Variants in USP32 observed in about 807,000 individuals in gnomAD.
USP32 encodes ubiquitin carboxyl-terminal hydrolase 32.
Under a neutral mutation model 204.8 loss-of-function variants are expected in USP32, and 59 were observed. The ratio of observed to expected loss-of-function variants is 0.29; its 90% CI spans 0.23 to 0.36. The LOEUF is 0.36. USP32 is among the 10% of genes least tolerant of loss of function. USP32 has a pLI of 1.00. For synonymous variants in USP32, 517 were observed against 678.4 expected (o/e 0.76, Z 3.70); for missense variants, 1,160 against 1,946.4 (o/e 0.60, Z 7.60).
chr17:60,258,209 A>C (rs2086364512), intron 9 of USP32: 1 of 160,964 alleles, frequency 6.2e-6, no homozygotes, highest in African/African-American at 2.4e-5. Flanking sequence ...AAAAACATGA[A>C]ATGATGCAAA....
chr17:60,348,645 G>A (rs1009269028), intron 1 of USP32, among the ~76,000 whole-genome samples: 10 of 152,180 alleles, frequency 6.6e-5, no homozygotes, highest in Non-Finnish European at 1.2e-4. Flanking sequence ...TTGGTGGCAC[G>A]TGCCTATAGC....
chr17:60,358,012 A>G (rs920625752), intron 1 of USP32, among the ~76,000 whole-genome samples: 1 of 151,324 alleles, frequency 6.6e-6, no homozygotes, highest in Non-Finnish European at 1.5e-5. Flanking sequence ...CAGGTGATCC[A>G]CCCGCCTCCA....
At chr17:60,357,315 T>G (rs1361962369) in intron 1 of USP32, among the ~76,000 whole-genome samples, 2 of 151,784 alleles carry the variant, frequency 1.3e-5, no homozygotes, top group Non-Finnish European at 2.9e-5. Context: ...TAGGCAGGCA[T>G]GGTGATACAC....
intron 1 of USP32, among the ~76,000 whole-genome samples, chr17:60,371,943 A>G (rs73320784): frequency 9.8e-4 from 149 of 152,350 alleles, no homozygotes; most frequent in African/African-American, 3.2e-3. Flanking sequence ...AAAGTAATCA[A>G]AACTTACTAC....
intron 2 of USP32, among the ~76,000 whole-genome samples, chr17:60,337,848 T>C (rs2088559998): frequency 1.3e-5 from 2 of 152,080 alleles, no homozygotes; most frequent in South Asian, 4.2e-4. Flanking sequence ...GCCACTGCAC[T>C]CCAGCCTGGG....
At chr17:60,275,185 G>A (rs551731179) in intron 5 of USP32, among the ~76,000 whole-genome samples, 68 of 152,236 alleles carry the variant, frequency 4.5e-4, no homozygotes, top group African/African-American at 1.5e-3. Flanking sequence ...GGCCGGGCGC[G>A]GTGGCTCACG....
intron 1 of USP32, among the ~76,000 whole-genome samples, chr17:60,382,808 CAA>C (rs1291698313): frequency 6.6e-6 from 1 of 151,918 alleles, no homozygotes; most frequent in Non-Finnish European, 1.5e-5. Context: ...TATACATAAC[CAA>C]AAGACATTCT....
Position 60,198,803 on chromosome 17 carries a change from T to C in USP32, c.3250-359A>G, listed in dbSNP as rs150784651. 3.5e-4 allele frequency among the ~76,000 whole-genome samples: 53 copies of C among 152,328 alleles called. 2 individuals carry two copies. In the East Asian group the frequency reaches 0.01, roughly 29 times the overall value. ...CTAAGGGCTTTTAAACAATTAAGGC[T>C]CTTTCTTTCTCCAGAAAATATGCCA... On this transcript the variant is annotated intron_variant, in intron 26 of 33. Transcript: ENST00000300896.
At chr17:60,377,171 A>G (rs1285077102) in intron 1 of USP32, among the ~76,000 whole-genome samples, 1 of 152,166 alleles carries the variant, frequency 6.6e-6, no homozygotes, top group Non-Finnish European at 1.5e-5. Context: ...AAGTCTTTAA[A>G]AAGTTTGGGC....
chr17:60,194,894 A>C (rs1216932113), intron 27 of USP32, among the ~76,000 whole-genome samples: 2 of 152,234 alleles, frequency 1.3e-5, no homozygotes, highest in African/African-American at 4.8e-5. Flanking sequence ...ACTGTCCCTG[A>C]AAATAATCAC....
chr17:60,377,198 G>A (rs1231621964), intron 1 of USP32, among the ~76,000 whole-genome samples: 2 of 152,130 alleles, frequency 1.3e-5, no homozygotes, highest in Admixed American at 1.3e-4. Flanking sequence ...CGTGGTTCAC[G>A]TCTGTAATCC....
At chr17:60,257,329 T>C (rs180934653) in intron 9 of USP32, among the ~76,000 whole-genome samples, 1 of 152,322 alleles carries the variant, frequency 6.6e-6, no homozygotes, top group East Asian at 1.9e-4. Context: ...GTGGATCACA[T>C]GTGCCAATTG....
At chr17:60,311,220 G>A (rs2087844338) in intron 2 of USP32, among the ~76,000 whole-genome samples, 2 of 152,064 alleles carry the variant, frequency 1.3e-5, no homozygotes, top group South Asian at 4.1e-4. Flanking sequence ...TCCAAATTAT[G>A]AATGGATTAG....
intron 2 of USP32, among the ~76,000 whole-genome samples, chr17:60,342,921 T>C (rs537737854): frequency 1.3e-5 from 2 of 152,302 alleles, no homozygotes; most frequent in African/African-American, 2.4e-5. Flanking sequence ...TCGCCCTCCG[T>C]GGGCTGCACC....
intron 1 of USP32, 88 bp downstream of exon 1, chr17:60,391,794 A>T: frequency 6.9e-7 from 1 of 1,439,192 alleles, no homozygotes; most frequent in African/African-American, 1.4e-5. Context: ...CCACGCCCTC[A>T]ATCTCCCCTC....
chr17:60,242,133 A>C (rs2145664985), intron 11 of USP32, among the ~76,000 whole-genome samples: 1 of 152,236 alleles, frequency 6.6e-6, no homozygotes, highest in East Asian at 1.9e-4. Flanking sequence ...AAAGAGACAG[A>C]ATCTTGCTAT....
At chr17:60,333,644 A>G (rs1164216936) in intron 2 of USP32, among the ~76,000 whole-genome samples, 4 of 150,362 alleles carry the variant, frequency 2.7e-5, no homozygotes, top group African/African-American at 9.8e-5. Context: ...AAGAAGGAAG[A>G]AAGAAAGGGA....
chr17:60,320,999 G>A (rs910744665), intron 2 of USP32, among the ~76,000 whole-genome samples: 4 of 151,946 alleles, frequency 2.6e-5, no homozygotes, highest in African/African-American at 4.8e-5. Context: ...GCTTGGCTCC[G>A]GATACAGACG....
chr17:60,396,927 CA>C (rs1207864329), upstream of USP32, among the ~76,000 whole-genome samples: 1 of 152,170 alleles, frequency 6.6e-6, no homozygotes, highest in Non-Finnish European at 1.5e-5. Context: ...TAATAGTTTA[CA>C]AAGGTTAGGA....
Sources: gnomAD v4.1 joint callset for allele counts (sites outside exome capture counted in the v4.1 genomes callset) on GRCh38, gnomAD v4.1.1 for gene constraint, MANE v1.5 for transcripts, NCBI Gene and HGNC (gene_info 2026-07-23, HGNC 2026-07-21) for gene names.